The following LAMA3 variants were observed in gnomAD, a reference collection of about 807,000 sequenced individuals.
LAMA3 encodes laminin subunit alpha 3.
In LAMA3, 281 loss-of-function variants were observed where a neutral mutation model predicts 402.0. The ratio of observed to expected loss-of-function variants is 0.70; its 90% confidence interval spans 0.63 to 0.77. The LOEUF (loss-of-function observed/expected upper bound fraction) is 0.77, where lower values mean the gene tolerates loss of function less well. Among genes scored for constraint, LAMA3 ranks in the 30% least tolerant of loss-of-function variants. LAMA3 has a pLI of 0.00. For missense variants in LAMA3, 3,840 were observed against 4,215.5 expected, an observed-to-expected ratio of 0.91 and a Z score of 2.47; for synonymous variants, 1,431 against 1,558.4, an observed-to-expected ratio of 0.92 and a Z score of 1.93.
chr18:23,850,364 C>T (rs1383117068), intron 32 of LAMA3, among the ~76,000 whole-genome samples: 3 of 152,158 alleles, frequency 2.0e-5, no homozygotes, highest in Non-Finnish European at 1.5e-5. Flanking sequence ...ACTTAGTCAA[C>T]CTGGTGTTGT....
rs17202961 is a variant in LAMA3, at chr18:23,845,027, C to A, written c.3622C>A (p.Pro1208Thr). The A allele has an allele frequency of 0.065, 103,554 of 1,598,660 alleles. 3,832 individuals carry two copies. Among genetic ancestry groups the A allele is most frequent in the Middle Eastern group, 0.13 (760 of 6,036 alleles). ...SLVLVRVLVV[P>T]AENYDYQILH... ...CTTTCAGGTCCGTGTTCTAGTGGTG[C>A]CTGCAGAAAACTATGACTACCAAAT... The change falls in exon 30 of 75, where the codon CCT becomes ACT. Residue 1208 changes from proline to threonine, a missense_variant. By Grantham distance (38) the Pro-to-Thr change is conservative. Coordinates refer to ENST00000313654, the MANE Select transcript of LAMA3 (RefSeq NM_198129.4).
intron 40 of LAMA3, among the ~76,000 whole-genome samples, chr18:23,884,074 G>A (rs900847307): frequency 6.6e-5 from 10 of 151,006 alleles, no homozygotes; most frequent in African/African-American, 2.5e-4. Flanking sequence ...GTGTGTGTGT[G>A]TGTGTGTGTG....
At chr18:23,749,579 A>T in intron 4 of LAMA3, 33 bp downstream of exon 4, 1 of 1,257,430 alleles carries the variant, frequency 8.0e-7, no homozygotes, top group Non-Finnish European at 1.2e-6. Flanking sequence ...GAGAGATAAG[A>T]CTCAGAAATG....
At position 23,763,401 on chromosome 18, in the gene LAMA3, T is replaced by C. The variant is rs780625034; in HGVS notation, c.1064-4T>C. On this transcript the variant is annotated splice_region_variant and splice_polypyrimidine_tract_variant and intron_variant, in intron 7 of 74. Transcript: ENST00000313654. ...AATATTGACTTATTATGCTTTTTTT[T>C]CAGCATGCAACTGCCACGGCCATGC... is the stretch of plus-strand genomic sequence containing the variant. 9.4e-6 allele frequency: 15 copies of C among 1,588,606 alleles called. No individual in the cohort carries two copies. Among genetic ancestry groups the C allele is most frequent in the South Asian group, 1.1e-5 (1 of 90,580 alleles).
chr18:23,785,413 A>G (rs945551207), intron 12 of LAMA3, among the ~76,000 whole-genome samples: 1 of 152,232 alleles, frequency 6.6e-6, no homozygotes, highest in Non-Finnish European at 1.5e-5. Context: ...GGTAGTGAAG[A>G]GCAGGGGTGG....
chr18:23,904,125 G>C, intron 50 of LAMA3, 38 bp downstream of exon 50: 1 of 1,610,406 alleles, frequency 6.2e-7, no homozygotes, highest in Non-Finnish European at 8.5e-7. Flanking sequence ...GGGCACGTGG[G>C]CTGAGCTCAG....
rs769727886 is a variant in LAMA3 at position 23,939,310 on chromosome 18, C to T, written c.8950C>T (p.His2984Tyr). The T allele has an allele frequency of 2.5e-6, 4 of 1,614,108 alleles. No individual in the cohort carries two copies. The highest frequency in any genetic ancestry group is 3.4e-6 in the Non-Finnish European group (4 of 1,180,034). ...CSPLPKTQAN[H>Y]GALQFGDIPT... ...ACCACTTCCCAAGACCCAGGCCAAT[C>T]ATGGAGCCCTCCAGTTTGGGGACAT... is the stretch of plus-strand genomic sequence containing the variant. Residue 2984 changes from histidine (H) to tyrosine (Y), a missense_variant, in exon 68 of 75, where the codon CAT becomes TAT. His to Tyr is a moderately conservative substitution (Grantham distance 83). Around this residue, in one of 3 missense-constraint regions of LAMA3, gnomAD observed 840 missense variants for 981.9 expected, o/e 0.86. Transcript: ENST00000313654.
intron 67 of LAMA3, among the ~76,000 whole-genome samples, chr18:23,934,367 C>A (rs2082251847): frequency 6.6e-6 from 1 of 152,134 alleles, no homozygotes. Flanking sequence ...ACCTGGGGAG[C>A]TTTAACACCC....
At chr18:23,888,090 T>C (rs1174850761) in intron 41 of LAMA3, among the ~76,000 whole-genome samples, 1 of 152,228 alleles carries the variant, frequency 6.6e-6, no homozygotes, top group Non-Finnish European at 1.5e-5. Flanking sequence ...ACATCAAAAA[T>C]AAAGTATTCT....
chr18:23,935,093 G>C (rs571294528), intron 67 of LAMA3, among the ~76,000 whole-genome samples: 1 of 152,346 alleles, frequency 6.6e-6, no homozygotes, highest in African/African-American at 2.4e-5. Context: ...TTAGCCCAGT[G>C]ATGGTGAACT....
At chr18:23,739,580 A>T (rs1223115062) in intron 2 of LAMA3, among the ~76,000 whole-genome samples, 1 of 152,228 alleles carries the variant, frequency 6.6e-6, no homozygotes, top group Non-Finnish European at 1.5e-5. Context: ...GATGTAACAG[A>T]AGGAGAAGGG....
chr18:23,694,541 A>T (rs998156164), intron 1 of LAMA3, among the ~76,000 whole-genome samples: 1 of 152,234 alleles, frequency 6.6e-6, no homozygotes, highest in African/African-American at 2.4e-5. Context: ...TACAATTAGC[A>T]TGCTTCTTTT....
intron 24 of LAMA3, chr18:23,834,331 T>A (rs1425287911): frequency 8.7e-6 from 3 of 345,244 alleles, no homozygotes; most frequent in South Asian, 7.4e-5. Context: ...CTGTGTCAAG[T>A]ACCTGGGTGC....
intron 62 of LAMA3, among the ~76,000 whole-genome samples, chr18:23,922,987 A>G (rs1325664439): frequency 6.6e-6 from 1 of 152,258 alleles, no homozygotes; most frequent in Non-Finnish European, 1.5e-5. Flanking sequence ...GGGTGCTGAC[A>G]GAGCCCAGGA....
rs1233146774 is a variant in LAMA3 at position 23,905,615 on chromosome 18, C to G, written c.6709C>G (p.Leu2237Val). Residue 2237 changes from leucine (L) to valine (V), a missense_variant, in exon 52 of 75, where the codon CTA (leucine) becomes GTA (valine). This residue lies in a region of LAMA3 where 891 missense variants were observed against 857.5 expected (regional missense o/e 1.04). Transcript: ENST00000313654. The stretch of plus-strand genomic sequence containing the variant: ...TGAAGCCAAGATGACACAAAAGAAG[C>G]TAAAGCAAGGTATTAGGGGGAGTGG... ...LNEAKMTQKK[L>V]KQEVSPALNN... 1 of 1,599,320 alleles carries G rather than the reference C, an allele frequency of 6.3e-7. No homozygotes were observed. The highest frequency in any genetic ancestry group is 8.6e-7 in the Non-Finnish European group (1 of 1,167,296).
At position 23,839,163 on chromosome 18, in the gene LAMA3, C is replaced by G. The variant is rs181582658; in HGVS notation, c.3191+285C>G. On this transcript the variant is annotated intron_variant, in intron 26 of 74. Transcript: ENST00000313654. This position sits in a 1 kb window ranked among gnomAD's most constrained non-coding sequence, Gnocchi z 4.5. ...TCTATTCTGAGCCCTCGAAAAGACT[C>G]GTTTTGTTCCAATCTTTTAATCTTT... Among the ~76,000 whole-genome samples the G allele has an allele frequency of 7.2e-5, 11 of 152,204 alleles. No individual in the cohort carries two copies. Among genetic ancestry groups the G allele is most frequent in the Admixed American group, 1.3e-4 (2 of 15,288 alleles).
intron 29 of LAMA3, among the ~76,000 whole-genome samples, chr18:23,844,147 A>G (rs1052424992): frequency 6.6e-6 from 1 of 152,178 alleles, no homozygotes; most frequent in Non-Finnish European, 1.5e-5. Flanking sequence ...GCAAACGTTT[A>G]TTGAATTGAA....
chr18:23,895,047 A>G lies in LAMA3; in HGVS notation c.5602A>G (p.Lys1868Glu), dbSNP rs751583305. The change falls in exon 44 of 75, where the codon AAG becomes GAG. Residue 1868 changes from lysine to glutamate, a missense_variant. By Grantham distance (56) the Lys-to-Glu change is moderately conservative. Transcript: ENST00000313654. ...EQMRHMETQAKDLRNQLLNYR... is the reference protein window; with the variant it reads ...EQMRHMETQAEDLRNQLLNYR... ...GATGAGGCACATGGAGACCCAGGCC[A>G]AGGACCTGAGGGTAAATCCCCTGCG... 2.5e-6 allele frequency: 4 copies of G among 1,602,626 alleles called. No individual in the cohort carries two copies. Among genetic ancestry groups the G allele is most frequent in the Non-Finnish European group, 2.6e-6 (3 of 1,174,606 alleles).
chr18:23,867,259 A>T (rs911736876), intron 36 of LAMA3, among the ~76,000 whole-genome samples: 6 of 152,166 alleles, frequency 3.9e-5, no homozygotes, highest in Admixed American at 3.3e-4. Flanking sequence ...GGCATAGTTT[A>T]AAAAATTTTT....
Sources: gnomAD v4.1 joint callset for allele counts (sites outside exome capture counted in the v4.1 genomes callset) on GRCh38, gnomAD v4.1.1 for gene constraint, gnomAD v4.1.1 regional missense constraint, Gnocchi (gnomAD v3.1) non-coding constraint, MANE v1.5 for transcripts, NCBI Gene and HGNC (gene_info 2026-07-23, HGNC 2026-07-21) for gene names.